GABRB2: variants seen among roughly 807,000 people sequenced by gnomAD.
The protein encoded by GABRB2 is gamma-aminobutyric acid receptor subunit beta-2.
In GABRB2, 16 loss-of-function variants were observed where a neutral mutation model predicts 54.7. The observed-to-expected ratio is 0.29, with a 90% confidence interval of 0.20 to 0.44. GABRB2 has a LOEUF of 0.44. GABRB2 is among the 20% of genes least tolerant of loss of function. The pLI is 1.00. For missense variants in GABRB2, 355 were observed against 644.0 expected (o/e 0.55, Z 4.86); for synonymous variants, 244 against 233.8 (o/e 1.04, Z -0.40).
At chr5:161,484,897 G>C (rs1758871474) in intron 3 of GABRB2, among the ~76,000 whole-genome samples, 1 of 151,950 alleles carries the variant, frequency 6.6e-6, no homozygotes, top group Non-Finnish European at 1.5e-5. Flanking sequence ...TAGTGCTCCA[G>C]AGCCTTCAGC....
chr5:161,453,269 T>G (rs1455874438), intron 4 of GABRB2, among the ~76,000 whole-genome samples: 1 of 152,172 alleles, frequency 6.6e-6, no homozygotes, highest in Non-Finnish European at 1.5e-5. Context: ...TTACAGGAAA[T>G]ATTTAATTTT....
At chr5:161,454,735 A>C (rs1364455224) in intron 4 of GABRB2, among the ~76,000 whole-genome samples, 1 of 152,202 alleles carries the variant, frequency 6.6e-6, no homozygotes, top group Non-Finnish European at 1.5e-5. Context: ...ATAGCATCTA[A>C]TTCACCCCTC....
chr5:161,404,774 T>G (rs1756298081), intron 5 of GABRB2, among the ~76,000 whole-genome samples: 1 of 152,086 alleles, frequency 6.6e-6, no homozygotes, highest in Non-Finnish European at 1.5e-5. Context: ...ACAGCATTGC[T>G]CTCAGAGGTA....
At chr5:161,306,581 G>A (rs1365414799) in intron 9 of GABRB2, among the ~76,000 whole-genome samples, 2 of 152,094 alleles carry the variant, frequency 1.3e-5, no homozygotes, top group African/African-American at 4.8e-5. Flanking sequence ...AGGTGTGTGG[G>A]GAACACAGCC....
chr5:161,543,881 T>A (rs1008579588), intron 3 of GABRB2, among the ~76,000 whole-genome samples: 54 of 152,320 alleles, frequency 3.5e-4, no homozygotes, highest in Admixed American at 1.1e-3. Context: ...TTAGTCTGCG[T>A]TTATATTGCA....
intron 4 of GABRB2, among the ~76,000 whole-genome samples, chr5:161,444,646 T>C (rs1757563488): frequency 1.3e-5 from 2 of 152,190 alleles, no homozygotes; most frequent in African/African-American, 4.8e-5. Context: ...GCTGATCTTA[T>C]CTTTAAAATG....
intron 3 of GABRB2, among the ~76,000 whole-genome samples, chr5:161,519,239 T>G (rs1271422511): frequency 6.6e-6 from 1 of 152,202 alleles, no homozygotes; most frequent in Non-Finnish European, 1.5e-5. Flanking sequence ...GAATAGAAAT[T>G]GATCCATGCA....
intron 9 of GABRB2, among the ~76,000 whole-genome samples, chr5:161,320,016 A>T (rs1301054943): frequency 6.6e-6 from 1 of 151,498 alleles, no homozygotes. Flanking sequence ...TTTAAAAATT[A>T]CTGCTTTGGT....
intron 9 of GABRB2, among the ~76,000 whole-genome samples, chr5:161,312,075 AC>A (rs1334000033): frequency 6.6e-6 from 1 of 151,868 alleles, no homozygotes; most frequent in Non-Finnish European, 1.5e-5. Flanking sequence ...ATCAATCTCA[AC>A]CAAGGTACTG....
intron 3 of GABRB2, among the ~76,000 whole-genome samples, chr5:161,497,976 A>G (rs1173942555): frequency 1.3e-5 from 2 of 152,220 alleles, no homozygotes; most frequent in Non-Finnish European, 2.9e-5. Flanking sequence ...TAAAACTAAA[A>G]GAGAGTGAAA....
chr5:161,308,642 A>C (rs140349629), intron 9 of GABRB2, among the ~76,000 whole-genome samples: 3 of 152,226 alleles, frequency 2.0e-5, no homozygotes, highest in African/African-American at 7.2e-5. Flanking sequence ...TCAAAACAGC[A>C]TGGTACTGGT....
At chr5:161,344,998 A>T (rs749037560) in intron 5 of GABRB2, among the ~76,000 whole-genome samples, 1 of 152,068 alleles carries the variant, frequency 6.6e-6, no homozygotes, top group Non-Finnish European at 1.5e-5. Context: ...GAACAGTGAG[A>T]ACACATGGAC....
Position 161,336,617 on chromosome 5 carries a change from T to A in GABRB2, c.679+15A>T, listed in dbSNP as rs1051411037. On this transcript the variant is annotated intron_variant, in intron 6 of 9. Coordinates refer to ENST00000393959, the MANE Select transcript of GABRB2 (RefSeq NM_001371727.1). ...TGAAGATTATTTTCCCTTAACACTT[T>A]TCCATGATACAAACCTGTGGAAAAA... 3 of 1,611,136 alleles carry A rather than the reference T, an allele frequency of 1.9e-6. No homozygotes were observed. Among genetic ancestry groups the A allele is most frequent in the East Asian group, 2.2e-5 (1 of 44,814 alleles).
At chr5:161,347,853 A>AT (rs1046935425) in intron 5 of GABRB2, among the ~76,000 whole-genome samples, 3 of 151,960 alleles carry the variant, frequency 2.0e-5, no homozygotes, top group East Asian at 1.9e-4. Flanking sequence ...AAAACAAACC[A>AT]TTTTTTTCCC....
chr5:161,365,696 T>C (rs1445619840), intron 5 of GABRB2, among the ~76,000 whole-genome samples: 1 of 152,124 alleles, frequency 6.6e-6, no homozygotes, highest in Non-Finnish European at 1.5e-5. Context: ...TCCAATCAAC[T>C]AGTAAGCAGC....
chr5:161,470,124 C>G (rs1161857475), intron 3 of GABRB2, among the ~76,000 whole-genome samples: 2 of 151,478 alleles, frequency 1.3e-5, no homozygotes, highest in African/African-American at 4.8e-5. Context: ...CTATCCAAAC[C>G]CTGCCTATCT....
intron 3 of GABRB2, among the ~76,000 whole-genome samples, chr5:161,541,731 T>A (rs758414655): frequency 1.1e-4 from 16 of 152,376 alleles, no homozygotes; most frequent in Non-Finnish European, 1.8e-4. Flanking sequence ...TCTAAGGGAA[T>A]GTTGTGACTA....
intron 3 of GABRB2, among the ~76,000 whole-genome samples, chr5:161,528,565 A>G (rs764374208): frequency 3.8e-4 from 57 of 151,952 alleles, no homozygotes; most frequent in Middle Eastern, 3.4e-3. Flanking sequence ...AGGACTGCCA[A>G]GTCTCCTGTC....
At chr5:161,300,925 A>G (rs960341821) in intron 9 of GABRB2, among the ~76,000 whole-genome samples, 2 of 152,202 alleles carry the variant, frequency 1.3e-5, no homozygotes, top group Non-Finnish European at 2.9e-5. Flanking sequence ...ACAGAGAACA[A>G]CATATGCAGC....
Sources: allele counts gnomAD v4.1 joint callset (sites outside exome capture counted in the v4.1 genomes callset), GRCh38; gene constraint gnomAD v4.1.1; transcripts MANE v1.5; gene names NCBI Gene and HGNC (gene_info 2026-07-23, HGNC 2026-07-21).